Variants in LDLRAD3 observed in about 807,000 individuals in gnomAD.
The protein encoded by LDLRAD3 is low density lipoprotein receptor class A domain containing 3.
A neutral mutation model predicts 29.4 loss-of-function variants in LDLRAD3; 20 were observed. The observed-to-expected ratio is 0.68, with a 90% CI of 0.48 to 0.99. The LOEUF is 0.99. LDLRAD3 is among the 50% of genes least tolerant of loss of function. The probability of loss-of-function intolerance (pLI) is 0.00; values close to 1 mark genes in which losing one functional copy is unlikely to be tolerated. For missense variants in LDLRAD3, 420 were observed against 454.3 expected, an observed-to-expected ratio of 0.92 and a Z score of 0.69; for synonymous variants, 157 against 192.7, an observed-to-expected ratio of 0.81 and a Z score of 1.53.
At chr11:36,048,704 T>C (rs1161113664) in intron 2 of LDLRAD3, among the ~76,000 whole-genome samples, 3 of 152,198 alleles carry the variant, frequency 2.0e-5, no homozygotes, top group African/African-American at 7.2e-5. Flanking sequence ...CTGGTGGTGA[T>C]AGGGGGACTT....
intron 2 of LDLRAD3, among the ~76,000 whole-genome samples, chr11:36,068,867 G>A (rs938341883): frequency 1.3e-5 from 2 of 152,092 alleles, no homozygotes; most frequent in East Asian, 1.9e-4. Context: ...CTTAACCCTA[G>A]GCTGTAGACC....
chr11:36,202,479 TC>T (rs1198316456), intron 4 of LDLRAD3, among the ~76,000 whole-genome samples: 1 of 152,176 alleles, frequency 6.6e-6, no homozygotes, highest in East Asian at 1.9e-4. Context: ...TCTTTCATCT[TC>T]CTAGTCACCG....
At chr11:36,168,700 G>T (rs1486529226) in intron 4 of LDLRAD3, among the ~76,000 whole-genome samples, 3 of 152,012 alleles carry the variant, frequency 2.0e-5, no homozygotes, top group African/African-American at 7.2e-5. Context: ...TGTTAGAGCC[G>T]AAGTCTGAAA....
In LDLRAD3 at chr11:35,944,207, C is replaced by G. The variant is rs1851025039; in HGVS notation, c.46+63C>G. 4.2e-5 allele frequency: 37 copies of G among 885,890 alleles called. No homozygotes were observed. The highest frequency in any genetic ancestry group is 5.6e-5 in the African/African-American group (3 of 53,276). 54.9% of individuals were successfully genotyped at this position (885,890 alleles called of 1,614,324 possible). A position where few individuals can be genotyped will look rare whatever the true frequency, so the allele number is the denominator to read the frequency against. On this transcript the variant is annotated intron_variant, in intron 1 of 5. Coordinates refer to ENST00000315571, the MANE Select transcript of LDLRAD3 (RefSeq NM_174902.4). This position sits in a 1 kb window ranked among gnomAD's most constrained non-coding sequence, Gnocchi z 4.9. ...GCGGGGCGCGGGGCGCGGGGCGCAGCGGCCGGGTGCGATCGCGTCCTCTCC... is the reference window on the plus strand; with the variant it reads ...GCGGGGCGCGGGGCGCGGGGCGCAGGGGCCGGGTGCGATCGCGTCCTCTCC...
At chr11:36,047,132 C>T (rs1419193950) in intron 2 of LDLRAD3, among the ~76,000 whole-genome samples, 1 of 152,140 alleles carries the variant, frequency 6.6e-6, no homozygotes, top group Non-Finnish European at 1.5e-5. Context: ...TGGGAGGGCT[C>T]CAACTGGGGG....
At chr11:36,003,529 T>G (rs771868213) in intron 1 of LDLRAD3, among the ~76,000 whole-genome samples, 1 of 152,178 alleles carries the variant, frequency 6.6e-6, no homozygotes, top group Non-Finnish European at 1.5e-5. Flanking sequence ...AGGGTTGGAA[T>G]GCTTTTGTCC....
chr11:36,211,421 CTTAT>C (rs763249099), intron 4 of LDLRAD3, among the ~76,000 whole-genome samples: 1 of 152,170 alleles, frequency 6.6e-6, no homozygotes, highest in African/African-American at 2.4e-5. Flanking sequence ...ATACCATGGT[CTTAT>C]TTATTTCCTA....
intron 4 of LDLRAD3, among the ~76,000 whole-genome samples, chr11:36,206,814 C>G (rs1401741751): frequency 1.3e-5 from 2 of 151,078 alleles, no homozygotes. Context: ...TCAACCTCTG[C>G]CTCCTGGGTT....
At chr11:36,112,054 T>C (rs1853613849) in intron 4 of LDLRAD3, among the ~76,000 whole-genome samples, 1 of 152,198 alleles carries the variant, frequency 6.6e-6, no homozygotes, top group Non-Finnish European at 1.5e-5. Flanking sequence ...AACCCTCCTT[T>C]TTTTCTTTAA....
At chr11:36,168,077 C>G (rs138327133) in intron 4 of LDLRAD3, among the ~76,000 whole-genome samples, 4 of 152,202 alleles carry the variant, frequency 2.6e-5, no homozygotes, top group African/African-American at 9.6e-5. Context: ...GCCCTGCCTT[C>G]AGGTTGCAGG....
At chr11:36,028,631 T>C (rs562553657) in intron 1 of LDLRAD3, among the ~76,000 whole-genome samples, 1 of 152,314 alleles carries the variant, frequency 6.6e-6, no homozygotes, top group South Asian at 2.1e-4. Context: ...GAACCTCAAT[T>C]AAGTGAAATG....
chr11:36,078,441 G>C (rs1853053303), intron 2 of LDLRAD3, among the ~76,000 whole-genome samples: 1 of 152,222 alleles, frequency 6.6e-6, no homozygotes, highest in African/African-American at 2.4e-5. Flanking sequence ...AGTGGCAGGG[G>C]ACTTGTGTGT....
At chr11:36,153,059 G>A (rs1426439673) in intron 4 of LDLRAD3, among the ~76,000 whole-genome samples, 1 of 151,988 alleles carries the variant, frequency 6.6e-6, no homozygotes, top group East Asian at 1.9e-4. Context: ...CATTTACCAT[G>A]GATTTGTGGC....
intron 2 of LDLRAD3, among the ~76,000 whole-genome samples, chr11:36,064,511 G>C (rs1795514776): frequency 1.4e-5 from 2 of 146,472 alleles, no homozygotes; most frequent in Non-Finnish European, 3.0e-5. Context: ...GTAGAGATGG[G>C]GTTTTGCCAT....
chr11:36,146,781 T>C (rs572628621), intron 4 of LDLRAD3, among the ~76,000 whole-genome samples: 1 of 151,190 alleles, frequency 6.6e-6, no homozygotes, highest in South Asian at 2.1e-4. Context: ...TACTTTATTT[T>C]ATTTTATTTT....
At chr11:36,151,196 T>A (rs558263664) in intron 4 of LDLRAD3, among the ~76,000 whole-genome samples, 1 of 152,306 alleles carries the variant, frequency 6.6e-6, no homozygotes, top group South Asian at 2.1e-4. Context: ...TGCTCATATC[T>A]GGGAATGACC....
chr11:36,053,411 G>A (rs1046470111), intron 2 of LDLRAD3, among the ~76,000 whole-genome samples: 2 of 152,102 alleles, frequency 1.3e-5, no homozygotes, highest in African/African-American at 2.4e-5. Flanking sequence ...AGGTAGCTGT[G>A]GAGCGCCTTA....
intron 3 of LDLRAD3, among the ~76,000 whole-genome samples, chr11:36,088,994 C>CTT (rs1280077954): frequency 3.9e-4 from 60 of 152,338 alleles, no homozygotes; most frequent in African/African-American, 1.4e-3. Flanking sequence ...TTCCCTACTA[C>CTT]ATTGTGACAG....
At chr11:36,224,213 C>A (rs1855468076) in intron 4 of LDLRAD3, among the ~76,000 whole-genome samples, 1 of 151,896 alleles carries the variant, frequency 6.6e-6, no homozygotes, top group East Asian at 1.9e-4. Flanking sequence ...TTATACTCTA[C>A]CATCTGGATA....
Sources: gnomAD v4.1 joint callset for allele counts (sites outside exome capture counted in the v4.1 genomes callset) on GRCh38, gnomAD v4.1.1 for gene constraint, Gnocchi (gnomAD v3.1) non-coding constraint, MANE v1.5 for transcripts, NCBI Gene and HGNC (gene_info 2026-07-23, HGNC 2026-07-21) for gene names.